Variants in DSCAML1 observed in about 807,000 individuals in gnomAD.
The protein encoded by DSCAML1 is DS cell adhesion molecule like 1, also known as cell adhesion molecule DSCAML1.
In DSCAML1, 38 loss-of-function variants were observed where a neutral mutation model predicts 200.5. That is an observed-to-expected ratio of 0.19 (90% CI 0.15 to 0.25). DSCAML1 has a LOEUF of 0.25. Among genes scored for constraint, DSCAML1 ranks in the 10% least tolerant of loss-of-function variants. The pLI is 1.00. For missense variants in DSCAML1, 2,223 were observed against 2,858.8 expected (o/e 0.78, Z 5.07); for synonymous variants, 1,215 against 1,165.0 (o/e 1.04, Z -0.87).
intron 3 of DSCAML1, among the ~76,000 whole-genome samples, chr11:117,612,934 C>A (rs960301740): frequency 6.6e-6 from 1 of 152,132 alleles, no homozygotes; most frequent in Non-Finnish European, 1.5e-5. Context: ...GGCTTTGTGA[C>A]CTTGGGCAAG....
At chr11:117,727,265 C>A (rs914269652) in intron 3 of DSCAML1, among the ~76,000 whole-genome samples, 8 of 152,096 alleles carry the variant, frequency 5.3e-5, no homozygotes, top group Non-Finnish European at 2.9e-5. Flanking sequence ...CCAACAAGAC[C>A]ATGTTAATTA....
chr11:117,796,356 G>A (rs1452256389), intron 1 of DSCAML1, among the ~76,000 whole-genome samples: 1 of 152,238 alleles, frequency 6.6e-6, no homozygotes, highest in Non-Finnish European at 1.5e-5. Context: ...TGCCCGAGGT[G>A]GCCACGGTGG....
intron 17 of DSCAML1, among the ~76,000 whole-genome samples, chr11:117,462,484 T>G (rs2048500040): frequency 6.6e-6 from 1 of 152,246 alleles, no homozygotes; most frequent in Non-Finnish European, 1.5e-5. Flanking sequence ...AGACGGAGTC[T>G]GCTTCGCTCC....
intron 3 of DSCAML1, among the ~76,000 whole-genome samples, chr11:117,630,669 A>C (rs2052153645): frequency 6.7e-6 from 1 of 150,184 alleles, no homozygotes; most frequent in African/African-American, 2.4e-5. Flanking sequence ...AAAAAAAAAA[A>C]AAAAAAAAAA....
chr11:117,465,043 T>G lies in DSCAML1; in HGVS notation c.3164A>C (p.Asn1055Thr), dbSNP rs767473015. Residue 1055 changes from asparagine (N) to threonine (T), a missense_variant, in exon 17 of 33, where the codon AAC becomes ACC. Physicochemically the swap from Asn to Thr is moderately conservative, Grantham distance 65. This residue lies in a region of DSCAML1 where 438 missense variants were observed against 629.7 expected (regional missense o/e 0.70). Transcript: ENST00000651296. ...CCCATACTGGGCGAACTTCTTGAGG[T>G]TGTCCAGGGTGTAGACCTCGCTGTC... is the stretch of plus-strand genomic sequence containing the variant. ...TGDSEVYTLD[N>T]LKKFAQYGVV... 75 of 1,613,992 alleles carry G rather than the reference T, an allele frequency of 4.6e-5. No homozygotes were observed. The highest frequency in any genetic ancestry group is 6.2e-5 in the Non-Finnish European group (73 of 1,179,978).
upstream of DSCAML1, among the ~76,000 whole-genome samples, chr11:117,799,246 T>A (rs2055634226): frequency 6.6e-6 from 1 of 152,206 alleles, no homozygotes; most frequent in Non-Finnish European, 1.5e-5. Flanking sequence ...CTAAGCCTAT[T>A]GACCCAGAGC....
chr11:117,688,878 G>T (rs536703495), intron 3 of DSCAML1, among the ~76,000 whole-genome samples: 1 of 152,288 alleles, frequency 6.6e-6, no homozygotes, highest in African/African-American at 2.4e-5. Flanking sequence ...GCACGGATTG[G>T]CTCTGCCCTG....
At chr11:117,617,680 G>GCACGCACA (rs1555190792) in intron 3 of DSCAML1, among the ~76,000 whole-genome samples, 1 of 142,910 alleles carries the variant, frequency 7.0e-6, no homozygotes, top group African/African-American at 2.6e-5. Context: ...ACAGGTACAC[G>GCACGCACA]CACACACACA....
intron 3 of DSCAML1, among the ~76,000 whole-genome samples, chr11:117,581,259 C>T (rs2051033691): frequency 6.6e-6 from 1 of 152,146 alleles, no homozygotes; most frequent in South Asian, 2.1e-4. Flanking sequence ...CTAGTAAACA[C>T]CATGCATTAA....
chr11:117,676,529 C>A (rs1196228110), intron 3 of DSCAML1, among the ~76,000 whole-genome samples: 1 of 152,210 alleles, frequency 6.6e-6, no homozygotes, highest in Non-Finnish European at 1.5e-5. Flanking sequence ...CCAAAGGGTC[C>A]AGGGGGGTTC....
intron 21 of DSCAML1, 87 bp from the exon 22 acceptor site, chr11:117,440,023 G>C (rs1211810816): frequency 8.6e-7 from 1 of 1,167,528 alleles, no homozygotes; most frequent in Non-Finnish European, 1.3e-6. Flanking sequence ...TGGATTTACA[G>C]TTCAAATCCT....
intron 3 of DSCAML1, among the ~76,000 whole-genome samples, chr11:117,713,951 G>C (rs2053899718): frequency 6.6e-6 from 1 of 152,204 alleles, no homozygotes; most frequent in South Asian, 2.1e-4. Flanking sequence ...TTAGCACCAT[G>C]GTTAGAGCAC....
chr11:117,443,239 A>C (rs967257094), intron 21 of DSCAML1, among the ~76,000 whole-genome samples: 1 of 152,104 alleles, frequency 6.6e-6, no homozygotes, highest in South Asian at 2.1e-4. Flanking sequence ...TTGCAGCTCT[A>C]CCTGCGCGGC....
intron 3 of DSCAML1, among the ~76,000 whole-genome samples, chr11:117,625,888 T>A (rs1022374026): frequency 5.9e-5 from 9 of 152,166 alleles, no homozygotes; most frequent in Non-Finnish European, 7.4e-5. Flanking sequence ...TCAGAAACAC[T>A]ATTAATCCTG....
intron 11 of DSCAML1, among the ~76,000 whole-genome samples, chr11:117,501,055 G>A (rs2049383961): frequency 6.6e-6 from 1 of 152,200 alleles, no homozygotes; most frequent in Non-Finnish European, 1.5e-5. Flanking sequence ...TGGACTGAGG[G>A]ATGACGAGGA....
chr11:117,805,776 A>C (rs1030410233), intron 1 of DSCAML1, among the ~76,000 whole-genome samples: 2 of 152,196 alleles, frequency 1.3e-5, no homozygotes, highest in African/African-American at 4.8e-5. Context: ...GATCCCTGGA[A>C]AGTCTAGCAC....
At chr11:117,814,278 A>T (rs2055784610) in intron 1 of DSCAML1, among the ~76,000 whole-genome samples, 2 of 152,198 alleles carry the variant, frequency 1.3e-5, no homozygotes, top group South Asian at 2.1e-4. Flanking sequence ...ATAAACAGCC[A>T]TGTTGCTCAC....
intron 2 of DSCAML1, among the ~76,000 whole-genome samples, chr11:117,777,914 C>G (rs1235627584): frequency 6.6e-6 from 1 of 152,200 alleles, no homozygotes; most frequent in Non-Finnish European, 1.5e-5. Context: ...ATCTGCCAAG[C>G]AAAGCTGGAA....
At chr11:117,657,097 T>C (rs939133232) in intron 3 of DSCAML1, among the ~76,000 whole-genome samples, 3 of 152,140 alleles carry the variant, frequency 2.0e-5, no homozygotes, top group South Asian at 2.1e-4. Flanking sequence ...GTGACAGAGA[T>C]GGCACACTCC....
Sources: allele counts gnomAD v4.1 joint callset (sites outside exome capture counted in the v4.1 genomes callset), GRCh38; gene constraint gnomAD v4.1.1; regional missense constraint gnomAD v4.1.1; transcripts MANE v1.5; gene names NCBI Gene and HGNC (gene_info 2026-07-23, HGNC 2026-07-21).